The following AKAP6 variants were observed in gnomAD, a reference collection of about 807,000 sequenced individuals.
The protein encoded by AKAP6 is A-kinase anchor protein 6.
A neutral mutation model predicts 188.5 loss-of-function variants in AKAP6; 58 were observed. The ratio of observed to expected loss-of-function variants is 0.31; its 90% confidence interval spans 0.25 to 0.38. The LOEUF is 0.38. Ranked by LOEUF, AKAP6 falls within the 10% of genes least tolerant of loss-of-function variation. The pLI, the probability that AKAP6 is intolerant of heterozygous loss-of-function variation, is 1.00. For synonymous variants in AKAP6, 989 were observed against 998.6 expected, an observed-to-expected ratio of 0.99 and a Z score of 0.18; for missense variants, 2,710 against 2,740.0, an observed-to-expected ratio of 0.99 and a Z score of 0.24.
At chr14:32,473,387 A>G (rs1304935914) in intron 2 of AKAP6, among the ~76,000 whole-genome samples, 5 of 152,234 alleles carry the variant, frequency 3.3e-5, no homozygotes, top group Non-Finnish European at 7.3e-5. Flanking sequence ...TAGAAGCCAG[A>G]TGAAATTGTT....
intron 1 of AKAP6, among the ~76,000 whole-genome samples, chr14:32,346,969 T>C (rs190131938): frequency 1.8e-3 from 280 of 152,354 alleles, no homozygotes; most frequent in Middle Eastern, 6.8e-3. Flanking sequence ...CAAAATATCA[T>C]ATAGAGATAT....
chr14:32,340,363 C>T (rs920992404), intron 1 of AKAP6, among the ~76,000 whole-genome samples: 2 of 152,104 alleles, frequency 1.3e-5, no homozygotes, highest in African/African-American at 4.8e-5. Flanking sequence ...GTTCAAATAG[C>T]ATGTTATTCT....
chr14:32,369,529 A>G (rs1046586844), intron 1 of AKAP6, among the ~76,000 whole-genome samples: 2 of 152,358 alleles, frequency 1.3e-5, no homozygotes, highest in African/African-American at 4.8e-5. Flanking sequence ...GACACAACTT[A>G]TTCACAGTGA....
intron 2 of AKAP6, among the ~76,000 whole-genome samples, chr14:32,440,508 A>C (rs61981140): frequency 0.08 from 12,148 of 152,206 alleles, 646 homozygotes; most frequent in South Asian, 0.22. Flanking sequence ...ATTAAAACCA[A>C]GTTCTTGGTC....
At chr14:32,373,105 TG>T (rs1212482737) in intron 1 of AKAP6, among the ~76,000 whole-genome samples, 3 of 145,668 alleles carry the variant, frequency 2.1e-5, no homozygotes, top group African/African-American at 7.6e-5. Flanking sequence ...TTTGGGGGGG[TG>T]GGGTATAAGT....
At chr14:32,644,734 C>T (rs535395251) in intron 7 of AKAP6, among the ~76,000 whole-genome samples, 2 of 152,130 alleles carry the variant, frequency 1.3e-5, no homozygotes, top group African/African-American at 4.8e-5. Context: ...CCTCACCAAC[C>T]ATCACAAACT....
intron 12 of AKAP6, among the ~76,000 whole-genome samples, chr14:32,793,232 G>A (rs114262883): frequency 2.0e-5 from 3 of 152,072 alleles, no homozygotes; most frequent in African/African-American, 7.2e-5. Flanking sequence ...CAGAATGCAA[G>A]CTGGATAAAG....
rs993632709 is a variant in AKAP6 at position 32,595,027 on chromosome 14, C to A, written c.2470-4383C>A. Among the ~76,000 whole-genome samples the A allele has an allele frequency of 2.0e-4, 30 of 152,114 alleles. No individual in the cohort carries two copies. In the South Asian group the frequency reaches 2.1e-3, roughly 11 times the overall value. On this transcript the variant is annotated intron_variant, in intron 5 of 13. Transcript: ENST00000280979. ...ACTTAAAAAGACAGAAGATTTTCTCCATTTTTTCTTCTATTCACTTAGAAG... is the reference window on the plus strand; with the variant it reads ...ACTTAAAAAGACAGAAGATTTTCTCAATTTTTTCTTCTATTCACTTAGAAG...
intron 1 of AKAP6, among the ~76,000 whole-genome samples, chr14:32,431,825 A>G (rs1208258002): frequency 2.0e-5 from 3 of 152,186 alleles, no homozygotes; most frequent in African/African-American, 7.2e-5. Flanking sequence ...TCTCCTCACC[A>G]TTGAATTCAA....
chr14:32,400,947 G>A (rs1889070486), intron 1 of AKAP6, among the ~76,000 whole-genome samples: 2 of 152,248 alleles, frequency 1.3e-5, no homozygotes, highest in South Asian at 4.1e-4. Flanking sequence ...GTTTAGGAAT[G>A]GGCATACGAT....
chr14:32,710,782 G>T (rs576362115), intron 9 of AKAP6, among the ~76,000 whole-genome samples: 1 of 152,096 alleles, frequency 6.6e-6, no homozygotes, highest in South Asian at 2.1e-4. Flanking sequence ...TGTATATAGG[G>T]GCTTCACCTG....
intron 2 of AKAP6, among the ~76,000 whole-genome samples, chr14:32,449,505 G>A (rs1279887576): frequency 7.7e-6 from 1 of 130,072 alleles, no homozygotes; most frequent in Non-Finnish European, 1.5e-5. Context: ...CTGGGCAATG[G>A]AGCTAGACTC....
At chr14:32,700,709 A>C (rs1037702808) in intron 9 of AKAP6, among the ~76,000 whole-genome samples, 2 of 152,210 alleles carry the variant, frequency 1.3e-5, no homozygotes, top group African/African-American at 4.8e-5. Context: ...CCGTATAGCC[A>C]AGATGTGTAA....
chr14:32,486,653 T>G (rs1262017467), intron 2 of AKAP6, among the ~76,000 whole-genome samples: 4 of 152,242 alleles, frequency 2.6e-5, no homozygotes, highest in Admixed American at 2.6e-4. Context: ...TTGTAATTTT[T>G]GCACATTGAT....
At position 32,413,905 on chromosome 14, in the gene AKAP6, A is replaced by C. The variant is rs147089107; in HGVS notation, c.-34-19555A>C. ...CTATACACTGAGTACAAAAGAGTCCAGTGTCAGAAGGTAGTCAGGAATTTG... is the reference window on the plus strand; with the variant it reads ...CTATACACTGAGTACAAAAGAGTCCCGTGTCAGAAGGTAGTCAGGAATTTG... On this transcript the variant is annotated intron_variant, in intron 1 of 13. Coordinates refer to ENST00000280979, the MANE Select transcript of AKAP6 (RefSeq NM_004274.5). Among the ~76,000 whole-genome samples, 378 of 151,646 alleles carry C rather than the reference A, an allele frequency of 2.5e-3. 2 individuals carry two copies. Among genetic ancestry groups the C allele is most frequent in the African/African-American group, 8.3e-3 (344 of 41,292 alleles).
chr14:32,349,945 A>G (rs1436567821), intron 1 of AKAP6, among the ~76,000 whole-genome samples: 1 of 152,226 alleles, frequency 6.6e-6, no homozygotes, highest in Non-Finnish European at 1.5e-5. Flanking sequence ...TACTGGCCAC[A>G]CCTAATAAAT....
intron 1 of AKAP6, among the ~76,000 whole-genome samples, chr14:32,419,976 T>C (rs17486760): frequency 0.063 from 9,565 of 152,210 alleles, 375 homozygotes; most frequent in African/African-American, 0.09. Context: ...CTCTATCTCC[T>C]TATCCTCCAT....
chr14:32,459,637 GA>G (rs754031698), intron 2 of AKAP6, among the ~76,000 whole-genome samples: 4,369 of 117,254 alleles, frequency 0.037, 69 homozygotes, highest in East Asian at 0.089. Context: ...TTACAAAAAG[GA>G]AAAAAAAAAA....
chr14:32,516,788 A>G (rs569850207), intron 2 of AKAP6, among the ~76,000 whole-genome samples: 1 of 152,238 alleles, frequency 6.6e-6, no homozygotes, highest in Non-Finnish European at 1.5e-5. Context: ...TCCTAGCTCT[A>G]TTAATGAAAA....
Sources: gnomAD v4.1 joint callset for allele counts (sites outside exome capture counted in the v4.1 genomes callset) on GRCh38, gnomAD v4.1.1 for gene constraint, MANE v1.5 for transcripts, NCBI Gene and HGNC (gene_info 2026-07-23, HGNC 2026-07-21) for gene names.